The following TRAFD1 variants were observed in gnomAD, a reference collection of about 807,000 sequenced individuals.
TRAFD1 encodes the protein TRAF-type zinc finger domain containing 1.
In TRAFD1, 38 loss-of-function variants were observed where a neutral mutation model predicts 65.3. The ratio of observed to expected loss-of-function variants is 0.58; its 90% CI spans 0.45 to 0.76. The LOEUF is 0.76. Among genes scored for constraint, TRAFD1 ranks in the 30% least tolerant of loss-of-function variants. The pLI is 0.00. For missense variants in TRAFD1, 631 were observed against 712.6 expected (o/e 0.89, Z 1.30); for synonymous variants, 223 against 257.2 (o/e 0.87, Z 1.27).
At chr12:112,146,004 C>A (rs1441617748) in intron 7 of TRAFD1, among the ~76,000 whole-genome samples, 1 of 122,394 alleles carries the variant, frequency 8.2e-6, no homozygotes, top group Non-Finnish European at 1.6e-5. Flanking sequence ...GAACATCACA[C>A]TCTGGGGACT....
At position 112,152,716 on chromosome 12, in the gene TRAFD1, G is replaced by T. The variant is rs2030443120; in HGVS notation, c.1693-19G>T. ...TCACTTTTTATGTAAAGCTTCGTTT[G>T]TGTTGTGTTGTTCACCAGGCAAAGC... On this transcript the variant is annotated intron_variant, in intron 11 of 11. Transcript: ENST00000412615. This position sits in a 1 kb window ranked among gnomAD's most constrained non-coding sequence, Gnocchi z 5.0. 1 of 1,614,206 alleles carries T rather than the reference G, an allele frequency of 6.2e-7. No individual in the cohort carries two copies. The highest frequency in any genetic ancestry group is 8.5e-7 in the Non-Finnish European group (1 of 1,180,042).
Position 112,137,500 on chromosome 12 carries a change from C to T in TRAFD1, c.237+2434C>T, listed in dbSNP as rs550292756. Among the ~76,000 whole-genome samples the T allele has an allele frequency of 2.6e-5, 4 of 151,806 alleles. No homozygotes were observed. Among genetic ancestry groups the T allele is most frequent in the African/African-American group, 9.7e-5 (4 of 41,320 alleles). On this transcript the variant is annotated intron_variant, in intron 4 of 11. Coordinates refer to ENST00000412615, the MANE Select transcript of TRAFD1 (RefSeq NM_006700.3). This position sits in a 1 kb window ranked among gnomAD's most constrained non-coding sequence, Gnocchi z 4.2. ...TTTCTTGGCTGGGCGCAGTGGCTCA[C>T]GCCTGTAATCCCAGCACTTTGGGAG...
chr12:112,129,766 G>A (rs1041469736), intron 1 of TRAFD1, among the ~76,000 whole-genome samples: 3 of 150,314 alleles, frequency 2.0e-5, no homozygotes, highest in Non-Finnish European at 3.0e-5. Context: ...CCTCAGCCTC[G>A]CGAGTAGCTG....
At position 112,151,623 on chromosome 12, in the gene TRAFD1, C is replaced by G. The variant is rs540645724; in HGVS notation, c.1280-178C>G. ...ATGTTGGCCAGGCTGGTCTCTAACT[C>G]TTGACCTCAGGTGATCCCCGCACCT... On this transcript the variant is annotated intron_variant, in intron 9 of 11. Transcript: ENST00000412615. Among the ~76,000 whole-genome samples the G allele has an allele frequency of 2.0e-5, 3 of 152,100 alleles. 1 individual carries two copies. The South Asian group carries it at 6.2e-4, about 32-fold the overall frequency.
intron 8 of TRAFD1, 73 bp from the exon 9 acceptor site, chr12:112,149,677 TG>T: frequency 6.3e-7 from 1 of 1,595,186 alleles, no homozygotes; most frequent in East Asian, 2.3e-5. Flanking sequence ...AATACACTGC[TG>T]TTCCTCCCAT....
At chr12:112,139,528 A>G (rs1230015549) in intron 4 of TRAFD1, among the ~76,000 whole-genome samples, 1 of 151,470 alleles carries the variant, frequency 6.6e-6, no homozygotes, top group Non-Finnish European at 1.5e-5. Flanking sequence ...GGTTCAAGCA[A>G]TTCTCCTGCC....
chr12:112,127,191 TGTC>T (rs1391212817), intron 1 of TRAFD1, among the ~76,000 whole-genome samples: 3 of 152,180 alleles, frequency 2.0e-5, no homozygotes, highest in Admixed American at 2.0e-4. Context: ...CCTCTATCTT[TGTC>T]TTTTCGTGGT....
intron 2 of TRAFD1, among the ~76,000 whole-genome samples, chr12:112,131,752 G>C (rs2079567250): frequency 6.6e-6 from 1 of 152,168 alleles, no homozygotes; most frequent in African/African-American, 2.4e-5. Context: ...ATTTGGTCTG[G>C]TTGGAATGTT....
In TRAFD1 at chr12:112,152,701, T is replaced by C. The variant is rs1357424479; in HGVS notation, c.1693-34T>C. 3.1e-6 allele frequency: 5 copies of C among 1,614,016 alleles called. No individual in the cohort carries two copies. The East Asian group carries it at 6.7e-5, about 22-fold the overall frequency. ...AGGAGTAATGCTTTTTCACTTTTTA[T>C]GTAAAGCTTCGTTTGTGTTGTGTTG... On this transcript the variant is annotated intron_variant, in intron 11 of 11. Transcript: ENST00000412615. This position sits in a 1 kb window ranked among gnomAD's most constrained non-coding sequence, Gnocchi z 5.0.
At chr12:112,146,115 C>T (rs1210352055) in intron 7 of TRAFD1, among the ~76,000 whole-genome samples, 1 of 142,712 alleles carries the variant, frequency 7.0e-6, no homozygotes, top group East Asian at 2.1e-4. Context: ...CACATGTATA[C>T]ATATGTAACT....
At chr12:112,127,705 G>A (rs528122690) in intron 1 of TRAFD1, among the ~76,000 whole-genome samples, 3 of 150,490 alleles carry the variant, frequency 2.0e-5, no homozygotes, top group South Asian at 4.2e-4. Flanking sequence ...TCGCTCTGTC[G>A]CCCAGGCTGG....
intron 5 of TRAFD1, chr12:112,141,521 T>C (rs559546547): frequency 9.7e-5 from 31 of 320,400 alleles, no homozygotes; most frequent in African/African-American, 1.7e-4. Context: ...GTATTTGCAT[T>C]ATATATACTG....
At chr12:112,135,441 G>C (rs963427458) in intron 4 of TRAFD1, among the ~76,000 whole-genome samples, 2 of 152,074 alleles carry the variant, frequency 1.3e-5, no homozygotes, top group Non-Finnish European at 2.9e-5. Flanking sequence ...TTTTTTGTTT[G>C]TTTGTTTTTT....
Position 112,134,755 on chromosome 12 carries a change from T to C in TRAFD1, c.65T>C (p.Val22Ala). The C allele has an allele frequency of 6.2e-7, 1 of 1,612,188 alleles. No homozygotes were observed. Among genetic ancestry groups the C allele is most frequent in the Non-Finnish European group, 8.5e-7 (1 of 1,178,296 alleles). Reference protein sequence around the residue: ...LCDNCKKEIPVFNFTIHEIHC... With the variant: ...LCDNCKKEIPAFNFTIHEIHC... Reference sequence around the variant, plus strand: ...TTCCGTAGCAAAAAAGAAATTCCTGTGTTTAACTTTACCATCCATGAGATC... The same window carrying C: ...TTCCGTAGCAAAAAAGAAATTCCTGCGTTTAACTTTACCATCCATGAGATC... Residue 22 changes from valine (V) to alanine (A), a missense_variant, in exon 3 of 12, where the codon GTG (valine) becomes GCG (alanine). Coordinates refer to ENST00000412615, the MANE Select transcript of TRAFD1 (RefSeq NM_006700.3).
rs563009997 is a variant in TRAFD1 at position 112,141,445 on chromosome 12, A to G, written c.643+221A>G. The stretch of plus-strand genomic sequence containing the variant: ...ATGATGACAGTGTTGTAAATAGCCA[A>G]CACTTATACAGATTGAGTATCCCTT... On this transcript the variant is annotated intron_variant, in intron 5 of 11. Coordinates refer to ENST00000412615, the MANE Select transcript of TRAFD1 (RefSeq NM_006700.3). 3 of 574,218 alleles carry G rather than the reference A, an allele frequency of 5.2e-6. No homozygotes were observed. The East Asian group carries it at 9.0e-5, about 17-fold the overall frequency. The allele number at this position is 574,218 out of a possible 1,614,324, so 35.6% of individuals were successfully genotyped here. A position where few individuals can be genotyped will look rare whatever the true frequency, so the allele number is the denominator to read the frequency against.
At chr12:112,126,798 C>T (rs1484132429) in intron 1 of TRAFD1, among the ~76,000 whole-genome samples, 1 of 151,974 alleles carries the variant, frequency 6.6e-6, no homozygotes, top group Non-Finnish European at 1.5e-5. Flanking sequence ...GGGATACAAG[C>T]GCCCGTCACC....
intron 1 of TRAFD1, among the ~76,000 whole-genome samples, chr12:112,128,761 G>A (rs2079552987): frequency 6.6e-6 from 1 of 152,116 alleles, no homozygotes; most frequent in Non-Finnish European, 1.5e-5. Context: ...AGCTGGCTGG[G>A]CACGGTGACT....
intron 8 of TRAFD1, 114 bp downstream of exon 8, chr12:112,148,418 C>T: frequency 3.3e-6 from 3 of 899,232 alleles, no homozygotes; most frequent in South Asian, 1.6e-5. Context: ...AAGGAATGCA[C>T]ACACTTGGCT....
intron 4 of TRAFD1, among the ~76,000 whole-genome samples, chr12:112,139,713 GCCCAGGT>G (rs1348272853): frequency 6.6e-6 from 1 of 152,194 alleles, no homozygotes; most frequent in Non-Finnish European, 1.5e-5. Flanking sequence ...GTGGGCCATT[GCCCAGGT>G]CCCAAAGTTC....
Sources: gnomAD v4.1 joint callset for allele counts (sites outside exome capture counted in the v4.1 genomes callset) on GRCh38, gnomAD v4.1.1 for gene constraint, Gnocchi (gnomAD v3.1) non-coding constraint, MANE v1.5 for transcripts, NCBI Gene and HGNC (gene_info 2026-07-23, HGNC 2026-07-21) for gene names.